Variants in TRPA1 observed in about 807,000 individuals in gnomAD.
TRPA1 encodes the protein ankyrin-like with transmembrane domains 1.
TRPA1 carries 129 observed loss-of-function variants against 131.3 expected under a neutral mutation model. The observed-to-expected ratio is 0.98, with a 90% confidence interval of 0.85 to 1.14. TRPA1 has a LOEUF of 1.14. Among genes scored for constraint, TRPA1 ranks in the 50% most tolerant of loss-of-function variants. TRPA1 has a pLI of 0.00. For missense variants in TRPA1, 1,304 were observed against 1,354.2 expected (o/e 0.96, Z 0.58); for synonymous variants, 441 against 451.7 (o/e 0.98, Z 0.30).
intron 17 of TRPA1, among the ~76,000 whole-genome samples, chr8:72,041,564 T>G: frequency 6.6e-6 from 1 of 151,888 alleles, no homozygotes; most frequent in East Asian, 1.9e-4. Context: ...AAGGAAAATA[T>G]GAAAATCGAA....
intron 22 of TRPA1, 60 bp from the exon 23 acceptor site, chr8:72,033,886 C>A (rs950499612): frequency 1.4e-5 from 21 of 1,500,994 alleles, no homozygotes; most frequent in Admixed American, 5.0e-5. Flanking sequence ...AAAAGTGTTT[C>A]CTGGAGGTAG....
chr8:72,024,561 G>C (rs902503596), intron 25 of TRPA1, among the ~76,000 whole-genome samples: 1 of 152,126 alleles, frequency 6.6e-6, no homozygotes, highest in South Asian at 2.1e-4. Context: ...GATTGCACAG[G>C]CTAATGAATT....
intron 15 of TRPA1, among the ~76,000 whole-genome samples, chr8:72,048,884 T>A (rs113676373): frequency 6.6e-6 from 1 of 152,354 alleles, no homozygotes; most frequent in African/African-American, 2.4e-5. Flanking sequence ...TGTTTCCACA[T>A]GTGAATATTT....
chr8:72,056,097 T>G, intron 10 of TRPA1: 1 of 552,186 alleles, frequency 1.8e-6, no homozygotes, highest in African/African-American at 1.9e-5. Context: ...ATCTGAGAGA[T>G]CATGCCAATA....
chr8:72,072,759 C>T (rs1269935686), intron 1 of TRPA1, among the ~76,000 whole-genome samples: 1 of 152,140 alleles, frequency 6.6e-6, no homozygotes, highest in African/African-American at 2.4e-5. Context: ...GCTGCCCACT[C>T]CCTAGTGCCG....
intron 15 of TRPA1, 81 bp downstream of exon 15, chr8:72,050,697 G>A (rs914337774): frequency 1.7e-5 from 17 of 978,868 alleles, no homozygotes; most frequent in Non-Finnish European, 2.4e-5. Context: ...TTTAAAGCTG[G>A]AAATTATTAT....
Position 72,055,589 on chromosome 8 carries a change from A to T in TRPA1, c.1376T>A (p.Ile459Asn). Reference protein sequence around the residue: ...PLHFAASYGRINTCQRLLQDI... With the variant: ...PLHFAASYGRNNTCQRLLQDI... ...TTGTAGGAGCCTCTGACAGGTATTGATACGCCCATAACTTGGAAAAAATTA... is the reference window on the plus strand; with the variant it reads ...TTGTAGGAGCCTCTGACAGGTATTGTTACGCCCATAACTTGGAAAAAATTA... The change falls in exon 12 of 27, where the codon ATC (isoleucine) becomes AAC (asparagine). Residue 459 changes from isoleucine to asparagine, a missense_variant. Coordinates refer to ENST00000262209, the MANE Select transcript of TRPA1 (RefSeq NM_007332.3). 1 of 1,613,486 alleles carries T rather than the reference A, an allele frequency of 6.2e-7. No homozygotes were observed.
chr8:72,079,602 T>C (rs932156669), upstream of TRPA1, among the ~76,000 whole-genome samples: 77 of 152,010 alleles, frequency 5.1e-4, no homozygotes, highest in African/African-American at 1.8e-3. Flanking sequence ...TCTTGACTTA[T>C]ATATTCAGGT....
intron 2 of TRPA1, 114 bp downstream of exon 2, chr8:72,071,597 A>G (rs1806061573): frequency 8.3e-7 from 1 of 1,202,960 alleles, no homozygotes; most frequent in South Asian, 1.3e-5. Flanking sequence ...AGTGAAATAT[A>G]TAGGCTCTTT....
intron 15 of TRPA1, among the ~76,000 whole-genome samples, chr8:72,047,954 C>G (rs1805389009): frequency 6.6e-6 from 1 of 151,912 alleles, no homozygotes; most frequent in East Asian, 1.9e-4. Context: ...TGGTTTAGTT[C>G]CCATCTTCTG....
intron 13 of TRPA1, chr8:72,053,433 C>T: frequency 2.6e-6 from 1 of 388,100 alleles, no homozygotes. Flanking sequence ...TAACACTTAT[C>T]TTAATGAAAA....
chr8:72,076,351 G>A (rs1426106745), upstream of TRPA1, among the ~76,000 whole-genome samples: 1 of 151,998 alleles, frequency 6.6e-6, no homozygotes, highest in Non-Finnish European at 1.5e-5. Context: ...TGTCTCAATC[G>A]AAGAGGCTGG....
At chr8:72,044,004 A>T (rs2129434413) in intron 17 of TRPA1, among the ~76,000 whole-genome samples, 1 of 151,986 alleles carries the variant, frequency 6.6e-6, no homozygotes, top group Middle Eastern at 3.4e-3. Context: ...CAGTTTAAAA[A>T]CTACTACTGT....
the TRPA1 span, among the ~76,000 whole-genome samples, chr8:72,081,186 A>G: frequency 6.6e-6 from 1 of 151,542 alleles, no homozygotes; most frequent in African/African-American, 2.4e-5. Flanking sequence ...TCAACTTTAC[A>G]GTAGCTGCAT....
intron 17 of TRPA1, among the ~76,000 whole-genome samples, chr8:72,043,558 T>A (rs1286200134): frequency 6.6e-6 from 1 of 151,822 alleles, no homozygotes; most frequent in East Asian, 1.9e-4. Flanking sequence ...TAATTTTAAT[T>A]TGATGAGTTA....
At chr8:72,029,178 C>G (rs555540104) in intron 24 of TRPA1, among the ~76,000 whole-genome samples, 11 of 152,140 alleles carry the variant, frequency 7.2e-5, no homozygotes, top group Non-Finnish European at 1.2e-4. Flanking sequence ...GAGAACAAAA[C>G]CTCATGGATG....
intron 24 of TRPA1, among the ~76,000 whole-genome samples, chr8:72,026,614 C>T (rs534568288): frequency 6.6e-6 from 1 of 152,286 alleles, no homozygotes; most frequent in South Asian, 2.1e-4. Context: ...ATGCATTTCT[C>T]ATGTCTGTGC....
chr8:72,055,862 G>T lies in TRPA1; in HGVS notation c.1195-7C>A. ...GCTCTTTGATCTGTTGCATCTATAGGAAAAAATTAATATCATACAAATAAC... is the reference window on the plus strand; with the variant it reads ...GCTCTTTGATCTGTTGCATCTATAGTAAAAAATTAATATCATACAAATAAC... On this transcript the variant is annotated splice_polypyrimidine_tract_variant and splice_region_variant and intron_variant, in intron 10 of 26. Coordinates refer to ENST00000262209, the MANE Select transcript of TRPA1 (RefSeq NM_007332.3). 1 of 1,612,854 alleles carries T rather than the reference G, an allele frequency of 6.2e-7. No individual in the cohort carries two copies. The highest frequency in any genetic ancestry group is 8.5e-7 in the Non-Finnish European group (1 of 1,179,294).
Position 72,057,699 on chromosome 8 carries a change from C to T in TRPA1, c.1093+18G>A, listed in dbSNP as rs1240571082. The stretch of plus-strand genomic sequence containing the variant: ...TTGAGTGGCACTTCAAAAGACTTGG[C>T]TTGTTCCCTCTTGGTACCTTTAGAG... On this transcript the variant is annotated intron_variant, in intron 9 of 26. Transcript: ENST00000262209. The T allele has an allele frequency of 2.5e-6, 4 of 1,594,398 alleles. No individual in the cohort carries two copies. Among genetic ancestry groups the T allele is most frequent in the South Asian group, 1.1e-5 (1 of 90,676 alleles).
Sources: allele counts gnomAD v4.1 joint callset (sites outside exome capture counted in the v4.1 genomes callset), GRCh38; gene constraint gnomAD v4.1.1; transcripts MANE v1.5; gene names NCBI Gene and HGNC (gene_info 2026-07-23, HGNC 2026-07-21).